FER: variants seen among roughly 807,000 people sequenced by gnomAD.
FER encodes tyrosine-protein kinase Fer.
In FER, 63 loss-of-function variants were observed where a neutral mutation model predicts 111.0. That is an observed-to-expected ratio of 0.57 (90% CI 0.46 to 0.70). The LOEUF (loss-of-function observed/expected upper bound fraction) is 0.70, where lower values mean the gene tolerates loss of function less well. Ranked by LOEUF, FER falls within the 30% of genes least tolerant of loss-of-function variation. FER has a pLI of 0.00. For synonymous variants in FER, 327 were observed against 313.9 expected, an observed-to-expected ratio of 1.04 and a Z score of -0.44; for missense variants, 914 against 954.0, an observed-to-expected ratio of 0.96 and a Z score of 0.55.
chr5:108,987,623 G>A (rs910321694), intron 13 of FER, among the ~76,000 whole-genome samples: 1 of 152,096 alleles, frequency 6.6e-6, no homozygotes, highest in Non-Finnish European at 1.5e-5. Flanking sequence ...AAGAGCTACT[G>A]ATTTGTGTAC....
At chr5:109,015,292 G>C (rs1037801097) in intron 13 of FER, among the ~76,000 whole-genome samples, 3 of 151,958 alleles carry the variant, frequency 2.0e-5, no homozygotes, top group African/African-American at 7.2e-5. Context: ...TTCTTTTGTA[G>C]TAAAACTTGA....
At position 109,060,269 on chromosome 5, in the gene FER, A is replaced by G. The variant is rs767217743; in HGVS notation, c.1924+13071A>G. Among the ~76,000 whole-genome samples, 36 of 152,184 alleles carry G rather than the reference A, an allele frequency of 2.4e-4. 1 individual carries two copies. The highest frequency in any genetic ancestry group is 6.2e-4 in the South Asian group (3 of 4,826). The stretch of plus-strand genomic sequence containing the variant: ...GTACAATAAGCTGGGTAGAATTTAC[A>G]TATATAAACTAAGCTTCAATATACT... On this transcript the variant is annotated intron_variant, in intron 16 of 19. Coordinates refer to ENST00000281092, the MANE Select transcript of FER (RefSeq NM_005246.4).
intron 3 of FER, among the ~76,000 whole-genome samples, chr5:108,823,932 T>C (rs1193561867): frequency 6.6e-6 from 1 of 152,162 alleles, no homozygotes; most frequent in Non-Finnish European, 1.5e-5. Flanking sequence ...AGTCTTTAGT[T>C]CTTTTTGAGT....
chr5:109,073,961 T>C (rs897237453), intron 16 of FER, among the ~76,000 whole-genome samples: 2 of 152,058 alleles, frequency 1.3e-5, no homozygotes, highest in African/African-American at 4.8e-5. Flanking sequence ...AAAGAATCAT[T>C]ACCTAAAAAT....
intron 10 of FER, among the ~76,000 whole-genome samples, chr5:108,944,108 TACACACACACACAC>T (rs34138754): frequency 3.4e-5 from 5 of 145,638 alleles, no homozygotes; most frequent in East Asian, 4.0e-4. Flanking sequence ...TGTGTATGTG[TACACACACACACAC>T]ACACACACAC....
intron 17 of FER, among the ~76,000 whole-genome samples, 180 bp from the exon 18 acceptor site, chr5:109,180,567 A>G (rs1758186199): frequency 6.6e-6 from 1 of 152,224 alleles, no homozygotes; most frequent in Non-Finnish European, 1.5e-5. Flanking sequence ...CCATATGCAT[A>G]TGTTCTCATG....
chr5:109,118,060 TGA>T (rs1462694072), intron 17 of FER, among the ~76,000 whole-genome samples: 1 of 152,016 alleles, frequency 6.6e-6, no homozygotes, highest in African/African-American at 2.4e-5. Flanking sequence ...ATAGGAGTGG[TGA>T]GAGAGGGCAT....
intron 17 of FER, among the ~76,000 whole-genome samples, chr5:109,114,891 T>C (rs894941244): frequency 6.6e-6 from 1 of 152,044 alleles, no homozygotes; most frequent in African/African-American, 2.4e-5. Flanking sequence ...TTATATCCTG[T>C]TATCTTCTAA....
Position 108,946,117 on chromosome 5 carries a change from T to C in FER, c.1237-13T>C, listed in dbSNP as rs1383468018. ...TTTACTGTTGCTGAAGGCTTGTTTC[T>C]TAATCCCTCCAGGAAAGAAAGGAGA... On this transcript the variant is annotated splice_polypyrimidine_tract_variant and intron_variant, in intron 10 of 19. Coordinates refer to ENST00000281092, the MANE Select transcript of FER (RefSeq NM_005246.4). 6.2e-7 allele frequency: 1 copy of C among 1,603,536 alleles called. No homozygotes were observed. The highest frequency in any genetic ancestry group is 8.5e-7 in the Non-Finnish European group (1 of 1,171,294).
At chr5:109,037,271 C>T (rs1770530916) in intron 13 of FER, 151 bp from the exon 14 acceptor site, 3 of 577,876 alleles carry the variant, frequency 5.2e-6, no homozygotes, top group Non-Finnish European at 9.3e-6. Context: ...ATTTGTTTTA[C>T]AGCATCTTGG....
chr5:108,838,852 A>T (rs1278256881), intron 5 of FER, among the ~76,000 whole-genome samples: 2 of 152,190 alleles, frequency 1.3e-5, no homozygotes, highest in Non-Finnish European at 2.9e-5. Flanking sequence ...GCTGTGTGGT[A>T]TGTTGAGGGA....
At chr5:108,850,495 C>T (rs951613386) in intron 5 of FER, among the ~76,000 whole-genome samples, 13 of 151,724 alleles carry the variant, frequency 8.6e-5, no homozygotes, top group Non-Finnish European at 1.6e-4. Flanking sequence ...AGTAATTTGT[C>T]GTTGTGCTTG....
intron 10 of FER, among the ~76,000 whole-genome samples, chr5:108,923,599 A>G (rs1753328155): frequency 6.6e-6 from 1 of 152,178 alleles, no homozygotes; most frequent in Admixed American, 6.5e-5. Context: ...ATGAATGAAT[A>G]AAGCAGGGAT....
chr5:109,030,445 T>A (rs1769437915), intron 13 of FER, among the ~76,000 whole-genome samples: 1 of 152,220 alleles, frequency 6.6e-6, no homozygotes, highest in South Asian at 2.1e-4. Flanking sequence ...CTTTCATTTT[T>A]GCAGGTAGTT....
intron 17 of FER, among the ~76,000 whole-genome samples, chr5:109,120,527 G>A (rs1213302351): frequency 1.3e-5 from 2 of 152,088 alleles, no homozygotes; most frequent in Admixed American, 6.6e-5. Flanking sequence ...TTATAGTCAG[G>A]TAATGTGTTT....
intron 1 of FER, among the ~76,000 whole-genome samples, chr5:108,757,390 G>A (rs1320842831): frequency 2.6e-5 from 4 of 152,094 alleles, no homozygotes; most frequent in African/African-American, 9.7e-5. Flanking sequence ...AAAATTTCCT[G>A]AAAAAGAAAG....
intron 13 of FER, among the ~76,000 whole-genome samples, chr5:109,008,384 C>G (rs2149796621): frequency 6.6e-6 from 1 of 152,294 alleles, no homozygotes; most frequent in South Asian, 2.1e-4. Flanking sequence ...CTTAAACTGT[C>G]TGTAGTTTCT....
In FER at chr5:109,191,721, T is replaced by C. The variant is rs1382358584; in HGVS notation, c.*4146T>C. 3 of 152,230 alleles carry C rather than the reference T, an allele frequency of 2.0e-5. No individual in the cohort carries two copies. The highest frequency in any genetic ancestry group is 2.9e-5 in the Non-Finnish European group (2 of 68,040). 9.4% of individuals were successfully genotyped at this position (152,230 alleles called of 1,614,324 possible). ...TGACTAACTCTGATTTGCTTATACATATCAGAATGATATTCATTAAATATT... is the reference window on the plus strand; with the variant it reads ...TGACTAACTCTGATTTGCTTATACACATCAGAATGATATTCATTAAATATT... On this transcript the variant is annotated 3_prime_UTR_variant, in exon 20 of 20. Coordinates refer to ENST00000281092, the MANE Select transcript of FER (RefSeq NM_005246.4).
chr5:109,168,704 C>T (rs982515931), intron 17 of FER, among the ~76,000 whole-genome samples: 3 of 152,096 alleles, frequency 2.0e-5, no homozygotes, highest in African/African-American at 7.2e-5. Context: ...ACTAAAATGA[C>T]CATTTGATGT....
Sources: allele counts gnomAD v4.1 joint callset (sites outside exome capture counted in the v4.1 genomes callset), GRCh38; gene constraint gnomAD v4.1.1; transcripts MANE v1.5; gene names NCBI Gene and HGNC (gene_info 2026-07-23, HGNC 2026-07-21).